Variants in TRIM33 observed in about 807,000 individuals in gnomAD.
The protein encoded by TRIM33 is tripartite motif containing 33.
A neutral mutation model predicts 125.4 loss-of-function variants in TRIM33; 20 were observed. The ratio of observed to expected loss-of-function variants is 0.16; its 90% CI spans 0.11 to 0.23. TRIM33 has a LOEUF of 0.23. Among genes scored for constraint, TRIM33 ranks in the 10% least tolerant of loss-of-function variants. The pLI is 1.00. For synonymous variants in TRIM33, 564 were observed against 513.9 expected, an observed-to-expected ratio of 1.10 and a Z score of -1.32; for missense variants, 920 against 1,411.4, an observed-to-expected ratio of 0.65 and a Z score of 5.58.
At chr1:114,418,284 T>A (rs1653060111) in intron 11 of TRIM33, among the ~76,000 whole-genome samples, 1 of 152,150 alleles carries the variant, frequency 6.6e-6, no homozygotes, top group South Asian at 2.1e-4. Context: ...TCCTAACAGG[T>A]CCTTCCCTCG....
At chr1:114,424,010 A>T (rs1259465117) in intron 10 of TRIM33, among the ~76,000 whole-genome samples, 1 of 152,190 alleles carries the variant, frequency 6.6e-6, no homozygotes, top group Non-Finnish European at 1.5e-5. Flanking sequence ...TAGAAATCCT[A>T]TGAAAAAGTG....
At chr1:114,489,615 T>C (rs1651925169) in intron 1 of TRIM33, among the ~76,000 whole-genome samples, 1 of 151,760 alleles carries the variant, frequency 6.6e-6, no homozygotes, top group African/African-American at 2.4e-5. Flanking sequence ...GGTGCAGTGG[T>C]GCACCTGTAG....
At chr1:114,482,984 T>G (rs956210184) in intron 1 of TRIM33, among the ~76,000 whole-genome samples, 4 of 152,176 alleles carry the variant, frequency 2.6e-5, no homozygotes, top group African/African-American at 9.7e-5. Context: ...GAACCTCTTA[T>G]GCCAAGTTAG....
At chr1:114,473,813 C>G (rs945644105) in intron 1 of TRIM33, among the ~76,000 whole-genome samples, 3 of 151,906 alleles carry the variant, frequency 2.0e-5, no homozygotes, top group Non-Finnish European at 2.9e-5. Flanking sequence ...TAGATCTAAC[C>G]ATAACAATAA....
intron 13 of TRIM33, among the ~76,000 whole-genome samples, chr1:114,407,374 C>G (rs931892134): frequency 3.3e-5 from 5 of 152,038 alleles, no homozygotes; most frequent in Admixed American, 6.6e-5. Context: ...ACACACACTC[C>G]TATTTCTTAG....
In TRIM33 at chr1:114,395,766, G is replaced by C. The variant is rs893628145; in HGVS notation, c.*1882C>G. ...CGGCTTAAATTATTTTTTAAAAATT[G>C]AAAGAAAAGTGAAAAGGAAGCCAGG... is the stretch of plus-strand genomic sequence containing the variant. On this transcript the variant is annotated 3_prime_UTR_variant, in exon 20 of 20. Coordinates refer to ENST00000358465, the MANE Select transcript of TRIM33 (RefSeq NM_015906.4). The C allele has an allele frequency of 4.2e-5, 8 of 189,238 alleles. No homozygotes were observed. Among genetic ancestry groups the C allele is most frequent in the Admixed American group, 1.2e-4 (2 of 16,144 alleles). The allele number at this position is 189,238 out of a possible 1,614,324, so 11.7% of individuals were successfully genotyped here. A position where few individuals can be genotyped will look rare whatever the true frequency, so the allele number is the denominator to read the frequency against.
intron 4 of TRIM33, among the ~76,000 whole-genome samples, chr1:114,462,122 G>A (rs1650038261): frequency 6.6e-6 from 1 of 152,086 alleles, no homozygotes; most frequent in African/African-American, 2.4e-5. Flanking sequence ...TTTGTGAGTA[G>A]GCTCTCTTAC....
rs753197271 is a variant in TRIM33 at position 114,425,560 on chromosome 1, A to C, written c.1584T>G (p.His528Gln). Reference sequence around the variant, plus strand: ...GCATCCTCATCTGTTGCAACTGCTGATGTTTCTGTGCATATACTTGTTGTT... The same window carrying C: ...GCATCCTCATCTGTTGCAACTGCTGCTGTTTCTGTGCATATACTTGTTGTT... Reference protein sequence around the residue: ...HMQQQVYAQKHQQLQQMRMQQ... With the variant: ...HMQQQVYAQKQQQLQQMRMQQ... Residue 528 changes from histidine to glutamine, a missense_variant, in exon 9 of 20, where the codon CAT (histidine) becomes CAG (glutamine). His to Gln is a conservative substitution (Grantham distance 24). This residue lies in a region of TRIM33 where 407 missense variants were observed against 589.7 expected (regional missense o/e 0.69). Coordinates refer to ENST00000358465, the MANE Select transcript of TRIM33 (RefSeq NM_015906.4). The C allele has an allele frequency of 3.7e-6, 6 of 1,614,050 alleles. No homozygotes were observed. Among genetic ancestry groups the C allele is most frequent in the Non-Finnish European group, 4.2e-6 (5 of 1,180,016 alleles).
At chr1:114,475,113 T>G (rs1650899362) in intron 1 of TRIM33, among the ~76,000 whole-genome samples, 1 of 151,826 alleles carries the variant, frequency 6.6e-6, no homozygotes, top group Non-Finnish European at 1.5e-5. Flanking sequence ...GAAATGAACA[T>G]GAAGATGAAC....
intron 4 of TRIM33, among the ~76,000 whole-genome samples, chr1:114,451,548 T>A (rs868352801): frequency 1.3e-5 from 2 of 152,110 alleles, no homozygotes; most frequent in Admixed American, 6.5e-5. Flanking sequence ...GTACAAAATT[T>A]CATGCAGTTC....
chr1:114,468,330 G>T, intron 1 of TRIM33: 1 of 281,448 alleles, frequency 3.6e-6, no homozygotes, highest in Non-Finnish European at 6.9e-6. Context: ...CTGGGGATGA[G>T]ATGATTTTTG....
At chr1:114,430,738 T>G (rs80326582) in intron 6 of TRIM33, 60 bp downstream of exon 6, 1 of 918,164 alleles carries the variant, frequency 1.1e-6, no homozygotes, top group East Asian at 2.4e-5. Flanking sequence ...TCAATAAACA[T>G]TAAAAACAGC....
intron 15 of TRIM33, chr1:114,404,416 G>C (rs1206749721): frequency 6.6e-6 from 1 of 152,142 alleles, no homozygotes; most frequent in Non-Finnish European, 1.5e-5. Flanking sequence ...AAAGTGCTGG[G>C]ATTACAGGTG....
At chr1:114,440,968 T>C (rs951259886) in intron 4 of TRIM33, among the ~76,000 whole-genome samples, 3 of 152,232 alleles carry the variant, frequency 2.0e-5, no homozygotes, top group Non-Finnish European at 4.4e-5. Context: ...TATACTTCTG[T>C]GTATAAATTA....
At chr1:114,457,042 TTTGG>T (rs779197875) in intron 4 of TRIM33, among the ~76,000 whole-genome samples, 3 of 152,090 alleles carry the variant, frequency 2.0e-5, no homozygotes, top group Non-Finnish European at 4.4e-5. Flanking sequence ...AAGCCCAGTG[TTTGG>T]TTGGGTATAT....
At chr1:114,444,244 AG>A (rs1227593274) in intron 4 of TRIM33, among the ~76,000 whole-genome samples, 1 of 152,152 alleles carries the variant, frequency 6.6e-6, no homozygotes, top group African/African-American at 2.4e-5. Flanking sequence ...GATAGAGGGA[AG>A]AGAAGATATT....
chr1:114,481,337 T>A (rs990626847), intron 1 of TRIM33, among the ~76,000 whole-genome samples: 4 of 152,206 alleles, frequency 2.6e-5, no homozygotes, highest in Non-Finnish European at 5.9e-5. Flanking sequence ...CTCACGCCTG[T>A]AATCCTAGCA....
intron 1 of TRIM33, among the ~76,000 whole-genome samples, chr1:114,480,477 A>G (rs1260205278): frequency 1.8e-5 from 1 of 55,632 alleles, no homozygotes; most frequent in Non-Finnish European, 3.5e-5. Flanking sequence ...TGATCAATTT[A>G]AAAAAAAAAA....
intron 1 of TRIM33, among the ~76,000 whole-genome samples, chr1:114,498,943 T>C (rs1652548662): frequency 6.6e-6 from 1 of 152,124 alleles, no homozygotes; most frequent in East Asian, 1.9e-4. Context: ...CATATCACTA[T>C]ATTTCAAAAC....
Sources: allele counts gnomAD v4.1 joint callset (sites outside exome capture counted in the v4.1 genomes callset), GRCh38; gene constraint gnomAD v4.1.1; regional missense constraint gnomAD v4.1.1; transcripts MANE v1.5; gene names NCBI Gene and HGNC (gene_info 2026-07-23, HGNC 2026-07-21).